Variants in HNRNPH2 observed in about 807,000 individuals in gnomAD.
HNRNPH2 encodes the protein heterogeneous nuclear ribonucleoprotein H2.
For missense variants in HNRNPH2, 115 were observed against 352.9 expected, an observed-to-expected ratio of 0.33 and a Z score of 5.40; for synonymous variants, 128 against 128.2, an observed-to-expected ratio of 1.00 and a Z score of 0.01.
chrX:101,408,445 T>G, intron 1 of HNRNPH2, 126 bp downstream of exon 1: 1 of 148,827 alleles, frequency 6.7e-6, no homozygotes, highest in Non-Finnish European at 1.3e-5. Context: ...CTCTCCCTCC[T>G]CCCCCCCATC....
At chrX:101,409,788 C>T (rs898766898) in intron 1 of HNRNPH2, among the ~76,000 whole-genome samples, 1 of 111,450 alleles carries the variant, frequency 9.0e-6, no homozygotes. Context: ...TAAGTAGGAT[C>T]ATACTATGTA....
rs1928828350 is a variant in HNRNPH2, at chrX:101,412,004, G to A, written c.16G>A (p.Glu6Lys). 1 of 1,205,624 alleles carries A rather than the reference G, an allele frequency of 8.3e-7. No individual in the cohort carries two copies. The highest frequency in any genetic ancestry group is 1.1e-6 in the Non-Finnish European group (1 of 893,897). The change falls in exon 2 of 2, where the codon GAA becomes AAA. Residue 6 changes from glutamate (E) to lysine (K), a missense_variant. By Grantham distance (56) the Glu-to-Lys change is moderately conservative. Transcript: ENST00000316594. MMLST[E>K]GREGFVVKVR... Reference sequence around the variant, plus strand: ...AACAATCACCATGATGCTGAGCACGGAAGGCAGGGAGGGGTTCGTGGTGAA... The same window carrying A: ...AACAATCACCATGATGCTGAGCACGAAAGGCAGGGAGGGGTTCGTGGTGAA...
At position 101,412,562 on chromosome X, in the gene HNRNPH2, C is replaced by A. The variant is rs782748724; in HGVS notation, c.574C>A (p.Arg192=). 1.7e-6 allele frequency: 2 copies of A among 1,211,648 alleles called. No individual in the cohort carries two copies. The highest frequency in any genetic ancestry group is 5.9e-5 in the East Asian group (2 of 33,839). The change falls in exon 2 of 2, where the codon CGA becomes AGA. Residue 192 remains arginine (R), a synonymous_variant. Transcript: ENST00000316594. ...EIFKSSRAEV[R]THYDPPRKLM... ...CTTCAAGAGTAGCCGAGCTGAAGTT[C>A]GAACCCACTATGATCCCCCTCGAAA...
Position 101,412,040 on chromosome X carries a change from C to T in HNRNPH2, c.52C>T (p.Leu18=), listed in dbSNP as rs782112478. The T allele has an allele frequency of 1.7e-5, 20 of 1,207,939 alleles. No individual in the cohort carries two copies. The Admixed American group carries it at 3.5e-4, about 21-fold the overall frequency. Residue 18 remains leucine, a synonymous_variant, in exon 2 of 2, where the codon CTA becomes TTA. Transcript: ENST00000316594. ...REGFVVKVRG[L]PWSCSADEVM... The stretch of plus-strand genomic sequence containing the variant: ...GGGGTTCGTGGTGAAGGTCAGGGGC[C>T]TACCCTGGTCCTGCTCAGCCGATGA...
In HNRNPH2 at chrX:101,413,373, T is replaced by C. The variant is rs200820985; in HGVS notation, c.*35T>C. 42 of 1,094,047 alleles carry C rather than the reference T, an allele frequency of 3.8e-5. No individual in the cohort carries two copies. The highest frequency in any genetic ancestry group is 2.4e-4 in the Admixed American group (8 of 33,802). 90.2% of individuals were successfully genotyped at this position (1,094,047 alleles called of 1,213,427 possible). On this transcript the variant is annotated 3_prime_UTR_variant, in exon 2 of 2. Transcript: ENST00000316594. ...GAGCACTAAATAGCTACTCCAGATA[T>C]AAAAGCTGTACATTTGTGGGAGTTG...
chrX:101,409,661 G>A (rs1273774563), intron 1 of HNRNPH2, among the ~76,000 whole-genome samples: 2 of 111,459 alleles, frequency 1.8e-5, no homozygotes, highest in South Asian at 3.7e-4. Flanking sequence ...AGTATATAGG[G>A]TAAAAAGCGA....
Position 101,413,495 on chromosome X carries a change from C to T in HNRNPH2, c.*157C>T, listed in dbSNP as rs1555988646. 2.5e-6 allele frequency: 1 copy of T among 401,760 alleles called. No homozygotes were observed. Among genetic ancestry groups the T allele is most frequent in the East Asian group, 4.0e-5 (1 of 24,833 alleles). The allele number at this position is 401,760 out of a possible 1,213,427, so 33.1% of individuals were successfully genotyped here. On this transcript the variant is annotated 3_prime_UTR_variant, in exon 2 of 2. Coordinates refer to ENST00000316594, the MANE Select transcript of HNRNPH2 (RefSeq NM_019597.5). ...TCTTGGTCAGCTTCTCTTTCTTTAT[C>T]TTTCTTTCTCCTTTTTTAAGAAAAC...
intron 1 of HNRNPH2, among the ~76,000 whole-genome samples, chrX:101,411,476 C>T (rs1264368681): frequency 1.2e-5 from 1 of 85,871 alleles, no homozygotes; most frequent in Non-Finnish European, 2.1e-5. Context: ...AGTGCAGTGG[C>T]GTGATCTTGG....
chrX:101,409,229 G>A (rs958514039), intron 1 of HNRNPH2, among the ~76,000 whole-genome samples: 5 of 111,869 alleles, frequency 4.5e-5, no homozygotes, highest in Non-Finnish European at 7.5e-5. Context: ...ATGGTTAATA[G>A]GAAAACTGTT....
At chrX:101,409,886 G>A (rs1048714679) in intron 1 of HNRNPH2, among the ~76,000 whole-genome samples, 12 of 111,641 alleles carry the variant, frequency 1.1e-4, no homozygotes, top group African/African-American at 3.6e-4. Flanking sequence ...TCCAGTTTAA[G>A]GATAAAGTAT....
Position 101,412,180 on chromosome X carries a change from A to G in HNRNPH2, c.192A>G (p.Glu64=). 1 of 1,211,836 alleles carries G rather than the reference A, an allele frequency of 8.3e-7. No individual in the cohort carries two copies. Among genetic ancestry groups the G allele is most frequent in the Non-Finnish European group, 1.1e-6 (1 of 895,199 alleles). Residue 64 remains glutamate, a synonymous_variant, in exon 2 of 2, where the codon GAA becomes GAG. Transcript: ENST00000316594. Reference sequence around the variant, plus strand: ...AAGCATTTGTTGAACTTGAATCTGAAGAGGAAGTGAAATTGGCTTTGAAGA... The same window carrying G: ...AAGCATTTGTTGAACTTGAATCTGAGGAGGAAGTGAAATTGGCTTTGAAGA... ...SGEAFVELES[E]EEVKLALKKD... is the part of the protein sequence containing the mutation.
Position 101,411,966 on chromosome X carries a change from C to T in HNRNPH2, c.-23C>T, listed in dbSNP as rs1160895224. The T allele has an allele frequency of 2.6e-6, 3 of 1,159,707 alleles. No individual in the cohort carries two copies. Among genetic ancestry groups the T allele is most frequent in the Non-Finnish European group, 3.4e-6 (3 of 874,165 alleles). On this transcript the variant is annotated 5_prime_UTR_variant, in exon 2 of 2. Coordinates refer to ENST00000316594, the MANE Select transcript of HNRNPH2 (RefSeq NM_019597.5). ...CCAAAATTGCATTGAGCCAAACTTG[C>T]CACCAAGAGCCCAACAATCACCATG... is the stretch of plus-strand genomic sequence containing the variant.
chrX:101,411,129 C>T (rs781965354), intron 1 of HNRNPH2, among the ~76,000 whole-genome samples: 1 of 111,726 alleles, frequency 9.0e-6, no homozygotes, highest in South Asian at 3.7e-4. Context: ...GAATATTGGA[C>T]ATGGCAACTA....
At chrX:101,410,916 A>G (rs1928770511) in intron 1 of HNRNPH2, among the ~76,000 whole-genome samples, 1 of 111,838 alleles carries the variant, frequency 8.9e-6, no homozygotes, top group African/African-American at 3.3e-5. Flanking sequence ...CCCTGGGCAG[A>G]TTAGTCTGTT....
chrX:101,410,512 C>T (rs782020004), intron 1 of HNRNPH2, among the ~76,000 whole-genome samples: 1 of 112,305 alleles, frequency 8.9e-6, no homozygotes, highest in East Asian at 2.8e-4. Flanking sequence ...CTCCTGTATC[C>T]TCCTATACCT....
intron 1 of HNRNPH2, among the ~76,000 whole-genome samples, chrX:101,410,900 A>G (rs1251548317): frequency 8.9e-6 from 1 of 111,748 alleles, no homozygotes; most frequent in African/African-American, 3.3e-5. Context: ...AAAAATGTTT[A>G]TGGATCCCTG....
rs1356327459 is a variant in HNRNPH2 at position 101,408,271 on chromosome X, T to C, written c.-102T>C. On this transcript the variant is annotated 5_prime_UTR_variant, in exon 1 of 2. Transcript: ENST00000316594. ...TTCTGGTCGTCGTCTACCGTCTCGC[T>C]ATAGCCGTTTGAGGGAAGAAGGAGG... 3.7e-6 allele frequency: 1 copy of C among 269,590 alleles called. No homozygotes were observed. The highest frequency in any genetic ancestry group is 6.8e-6 in the Non-Finnish European group (1 of 147,989). 22.2% of individuals were successfully genotyped at this position (269,590 alleles called of 1,213,427 possible).
intron 1 of HNRNPH2, among the ~76,000 whole-genome samples, chrX:101,410,321 C>T (rs1928743468): frequency 8.9e-6 from 1 of 111,864 alleles, no homozygotes; most frequent in Non-Finnish European, 1.9e-5. Flanking sequence ...TGGGGTTTAT[C>T]AAAAAGGAAA....
chrX:101,409,239 T>TA (rs1280445455), intron 1 of HNRNPH2, among the ~76,000 whole-genome samples: 3 of 112,266 alleles, frequency 2.7e-5, no homozygotes, highest in Non-Finnish European at 5.6e-5. Context: ...GGAAAACTGT[T>TA]ATCACTGCAG....
Sources: allele counts gnomAD v4.1 joint callset (sites outside exome capture counted in the v4.1 genomes callset), GRCh38; gene constraint gnomAD v4.1.1; transcripts MANE v1.5; gene names NCBI Gene and HGNC (gene_info 2026-07-23, HGNC 2026-07-21).